The following MOSPD1 variants were observed in gnomAD, a reference collection of about 807,000 sequenced individuals.
MOSPD1 encodes motile sperm domain-containing protein 1.
Under a neutral mutation model 16.7 loss-of-function variants are expected in MOSPD1, and 5 were observed. That is an observed-to-expected ratio of 0.30 (90% CI 0.16 to 0.63). The LOEUF is 0.63. Ranked by LOEUF, MOSPD1 falls within the 30% of genes least tolerant of loss-of-function variation. The pLI, the probability that MOSPD1 is intolerant of heterozygous loss-of-function variation, is 0.82. For synonymous variants in MOSPD1, 67 were observed against 59.2 expected, an observed-to-expected ratio of 1.13 and a Z score of -0.61; for missense variants, 104 against 153.6, an observed-to-expected ratio of 0.68 and a Z score of 1.71.
chrX:134,903,643 T>G (rs961570072), intron 1 of MOSPD1, among the ~76,000 whole-genome samples: 1 of 81,703 alleles, frequency 1.2e-5, no homozygotes. Context: ...ACCCGGCAGG[T>G]GGAGCTTGCA....
chrX:134,905,155 C>A (rs751932870), intron 1 of MOSPD1, among the ~76,000 whole-genome samples: 8 of 109,170 alleles, frequency 7.3e-5, no homozygotes, highest in Non-Finnish European at 5.7e-5. Context: ...GGCAGAAGAT[C>A]GAGACCATCC....
intron 1 of MOSPD1, among the ~76,000 whole-genome samples, chrX:134,904,240 C>T (rs1289412913): frequency 8.9e-6 from 1 of 112,112 alleles, no homozygotes; most frequent in Non-Finnish European, 1.9e-5. Flanking sequence ...TAAAGCCATA[C>T]TATGACACAA....
At chrX:134,904,660 C>G (rs1248105075) in intron 1 of MOSPD1, among the ~76,000 whole-genome samples, 6 of 110,395 alleles carry the variant, frequency 5.4e-5, no homozygotes, top group Admixed American at 1.9e-4. Context: ...TCAGGAGTTT[C>G]AGACCAGCCT....
At chrX:134,896,129 C>A (rs2082883765) in intron 4 of MOSPD1, among the ~76,000 whole-genome samples, 1 of 111,329 alleles carries the variant, frequency 9.0e-6, no homozygotes, top group Admixed American at 9.6e-5. Flanking sequence ...TTTTATCATC[C>A]TCCTATTACA....
At chrX:134,910,404 C>CAA (rs778722230) in intron 1 of MOSPD1, among the ~76,000 whole-genome samples, 1 of 97,718 alleles carries the variant, frequency 1.0e-5, no homozygotes, top group African/African-American at 3.7e-5. Context: ...GACTCTGTCT[C>CAA]AAAAAAAAAA....
intron 1 of MOSPD1, among the ~76,000 whole-genome samples, chrX:134,911,060 C>T (rs1239860086): frequency 8.9e-6 from 1 of 112,072 alleles, no homozygotes; most frequent in African/African-American, 3.2e-5. Flanking sequence ...GATAAGGTCT[C>T]GCTATGTTGC....
intron 1 of MOSPD1, among the ~76,000 whole-genome samples, chrX:134,901,798 G>A (rs772105504): frequency 2.7e-5 from 3 of 112,056 alleles, no homozygotes; most frequent in South Asian, 3.7e-4. Context: ...TTAATGCATA[G>A]GCTGCTTCAG....
chrX:134,909,227 G>A (rs1293071059), intron 1 of MOSPD1, among the ~76,000 whole-genome samples: 1 of 109,442 alleles, frequency 9.1e-6, no homozygotes, highest in African/African-American at 3.3e-5. Context: ...GCCGAGATCC[G>A]CCACTGCACT....
At position 134,899,367 on chromosome X, in the gene MOSPD1, C is replaced by T. The variant is rs150967302; in HGVS notation, c.67G>A (p.Glu23Lys). ...GNLPVFVFPT[E>K]LIFYADDQST... ...TGATCATCTGCATAAAATATGAGCT[C>T]CGTGGGGAACACGAAAACAGGAAGA... The change falls in exon 2 of 6, where the codon GAG becomes AAG. Residue 23 changes from glutamate (E) to lysine (K), a missense_variant. Physicochemically the swap from Glu to Lys is moderately conservative, Grantham distance 56. This residue lies in a region of MOSPD1 where 21 missense variants were observed against 52.6 expected (regional missense o/e 0.40). Transcript: ENST00000370783. The T allele has an allele frequency of 3.3e-6, 4 of 1,199,055 alleles. No homozygotes were observed. Among genetic ancestry groups the T allele is most frequent in the Non-Finnish European group, 4.5e-6 (4 of 891,544 alleles).
At chrX:134,914,448 C>T (rs938456303) in intron 1 of MOSPD1, among the ~76,000 whole-genome samples, 6 of 111,402 alleles carry the variant, frequency 5.4e-5, no homozygotes, top group African/African-American at 2.0e-4. Flanking sequence ...CAGCCCACGT[C>T]CCCACACCGG....
In MOSPD1 at chrX:134,891,612, A is replaced by T; in HGVS notation, c.477T>A (p.Ser159Arg). 1 of 1,211,302 alleles carries T rather than the reference A, an allele frequency of 8.3e-7. No homozygotes were observed. The highest frequency in any genetic ancestry group is 1.1e-6 in the Non-Finnish European group (1 of 895,339). Residue 159 changes from serine (S) to arginine (R), a missense_variant, in exon 5 of 6, where the codon AGT (serine) becomes AGA (arginine). Ser to Arg is a moderately radical substitution (Grantham distance 110). Coordinates refer to ENST00000370783, the MANE Select transcript of MOSPD1 (RefSeq NM_019556.3). ...PENRAVSSGP[S>R]LLTVFLGVVC... ...CCACTCCCAGGAAGACAGTTAGTAA[A>T]CTAGGTCCTGAGGATACAGCTCTGT...
chrX:134,914,263 C>G (rs964595871), intron 1 of MOSPD1, among the ~76,000 whole-genome samples: 2 of 112,151 alleles, frequency 1.8e-5, no homozygotes, highest in Admixed American at 1.9e-4. Context: ...GACGTGAGAT[C>G]TCTCAGATTC....
At chrX:134,891,407 C>A in intron 5 of MOSPD1, 72 bp downstream of exon 5, 4 of 973,947 alleles carry the variant, frequency 4.1e-6, no homozygotes, top group East Asian at 3.3e-5. Context: ...AAAAAAAAAT[C>A]AAACCACCAC....
At chrX:134,901,323 G>A (rs2082910242) in intron 1 of MOSPD1, among the ~76,000 whole-genome samples, 1 of 111,709 alleles carries the variant, frequency 9.0e-6, no homozygotes, top group African/African-American at 3.2e-5. Flanking sequence ...TAGAGAATCA[G>A]AAGACTACAT....
intron 1 of MOSPD1, among the ~76,000 whole-genome samples, chrX:134,906,173 AC>A (rs1207831078): frequency 1.8e-5 from 1 of 55,504 alleles, no homozygotes; most frequent in Non-Finnish European, 3.3e-5. Flanking sequence ...CCCATTTATC[AC>A]TTTTTTTTTT....
At chrX:134,893,227 G>A (rs918145567) in intron 4 of MOSPD1, among the ~76,000 whole-genome samples, 53 of 111,812 alleles carry the variant, frequency 4.7e-4, no homozygotes, top group African/African-American at 1.6e-3. Context: ...TTATTGTTTG[G>A]AATGAAACAA....
chrX:134,908,601 G>A (rs769364961), intron 1 of MOSPD1, among the ~76,000 whole-genome samples: 30 of 112,206 alleles, frequency 2.7e-4, no homozygotes, highest in Admixed American at 4.7e-4. Context: ...ACAGGAAACT[G>A]TCTTGTCTTC....
At chrX:134,912,513 C>T (rs1374877032) in intron 1 of MOSPD1, among the ~76,000 whole-genome samples, 1 of 107,835 alleles carries the variant, frequency 9.3e-6, no homozygotes, top group African/African-American at 3.4e-5. Flanking sequence ...CTTCCTCTGT[C>T]ACCCAGGCTG....
intron 1 of MOSPD1, among the ~76,000 whole-genome samples, chrX:134,906,211 G>T (rs1263044127): frequency 4.1e-4 from 30 of 72,679 alleles, no homozygotes; most frequent in Non-Finnish European, 6.4e-4. Flanking sequence ...ACGGAGTTTC[G>T]CTCATTACCC....
Sources: gnomAD v4.1 joint callset for allele counts (sites outside exome capture counted in the v4.1 genomes callset) on GRCh38, gnomAD v4.1.1 for gene constraint, gnomAD v4.1.1 regional missense constraint, MANE v1.5 for transcripts, NCBI Gene and HGNC (gene_info 2026-07-23, HGNC 2026-07-21) for gene names.